OPCML: variants seen among roughly 807,000 people sequenced by gnomAD.
OPCML encodes the protein opioid-binding protein/cell adhesion molecule.
OPCML carries 13 observed loss-of-function variants against 37.8 expected under a neutral mutation model. The ratio of observed to expected loss-of-function variants is 0.34; its 90% CI spans 0.22 to 0.55. The LOEUF (loss-of-function observed/expected upper bound fraction) is 0.55. Among genes scored for constraint, OPCML ranks in the 20% least tolerant of loss-of-function variants. OPCML has a pLI of 0.91. For synonymous variants in OPCML, 176 were observed against 168.8 expected (o/e 1.04, Z -0.33); for missense variants, 341 against 435.6 (o/e 0.78, Z 1.93).
intron 1 of OPCML, among the ~76,000 whole-genome samples, chr11:133,519,767 G>A (rs542352544): frequency 7.7e-4 from 117 of 152,078 alleles, no homozygotes; most frequent in Non-Finnish European, 1.5e-3. Flanking sequence ...GGCTTCTCCC[G>A]CACCTCTAAT....
At chr11:133,439,431 AC>A in intron 1 of OPCML, 1 of 985,128 alleles carries the variant, frequency 1.0e-6, no homozygotes, top group Non-Finnish European at 1.2e-6. Context: ...TATGAGGCCA[AC>A]CTAACTCTTT....
chr11:132,522,945 T>C (rs1232030904), intron 4 of OPCML, among the ~76,000 whole-genome samples: 2 of 152,214 alleles, frequency 1.3e-5, no homozygotes, highest in East Asian at 3.8e-4. Context: ...GATCAGTACT[T>C]TTTTGTTTGA....
At chr11:132,744,328 C>T (rs1358317403) in intron 2 of OPCML, among the ~76,000 whole-genome samples, 1 of 152,132 alleles carries the variant, frequency 6.6e-6, no homozygotes, top group Non-Finnish European at 1.5e-5. Flanking sequence ...ATCACTGTCT[C>T]CCCCTCATTA....
intron 2 of OPCML, among the ~76,000 whole-genome samples, chr11:132,837,018 A>G (rs372339262): frequency 6.4e-4 from 97 of 152,304 alleles, no homozygotes; most frequent in African/African-American, 2.2e-3. Context: ...AGTGTTTAAA[A>G]CAGTAATCGG....
chr11:132,509,090 G>A (rs1274991704), intron 4 of OPCML, among the ~76,000 whole-genome samples: 3 of 152,150 alleles, frequency 2.0e-5, no homozygotes, highest in African/African-American at 4.8e-5. Flanking sequence ...ATGGAGATGA[G>A]GAACTTGTTG....
intron 2 of OPCML, among the ~76,000 whole-genome samples, chr11:132,911,928 T>C (rs2725437): frequency 0.3 from 45,884 of 152,056 alleles, 7,834 homozygotes; most frequent in Middle Eastern, 0.41. Context: ...GAGCTGGAAG[T>C]ATCAGGTGAG....
chr11:133,213,438 G>A (rs11223397), intron 1 of OPCML, among the ~76,000 whole-genome samples: 35,748 of 151,980 alleles, frequency 0.24, 4,302 homozygotes, highest in Middle Eastern at 0.27. Context: ...TAAAAATTTG[G>A]TCTTTTAGAG....
At chr11:132,446,775 G>A (rs1429507645) in intron 4 of OPCML, among the ~76,000 whole-genome samples, 1 of 151,952 alleles carries the variant, frequency 6.6e-6, no homozygotes, top group Non-Finnish European at 1.5e-5. Context: ...ATAATTAAAC[G>A]ACAGCATTTT....
chr11:133,027,444 G>A (rs538316482), intron 1 of OPCML, among the ~76,000 whole-genome samples: 1 of 151,772 alleles, frequency 6.6e-6, no homozygotes, highest in Non-Finnish European at 1.5e-5. Context: ...CTTAACTAGT[G>A]TGTGTATGTC....
chr11:132,817,687 T>C (rs1939710592), intron 2 of OPCML, among the ~76,000 whole-genome samples: 1 of 152,140 alleles, frequency 6.6e-6, no homozygotes, highest in East Asian at 1.9e-4. Flanking sequence ...ATTTAAATTT[T>C]AGAGGCAAAA....
At chr11:132,499,577 A>T (rs2137115345) in intron 4 of OPCML, among the ~76,000 whole-genome samples, 1 of 152,352 alleles carries the variant, frequency 6.6e-6, no homozygotes, top group East Asian at 1.9e-4. Flanking sequence ...GAGAAATTCC[A>T]TGTTTAAAAG....
chr11:132,436,752 T>C lies in OPCML; in HGVS notation c.671A>G (p.Asn224Ser). The C allele has an allele frequency of 1.2e-6, 2 of 1,614,102 alleles. No homozygotes were observed. Among genetic ancestry groups the C allele is most frequent in the South Asian group, 1.1e-5 (1 of 91,084 alleles). ...NYPPYISKAK[N>S]TGVSVGQKGI... Reference sequence around the variant, plus strand: ...CTTCTGACCGACTGAAACACCAGTGTTCTTGGCTTTTGAGATATAGGGAGG... The same window carrying C: ...CTTCTGACCGACTGAAACACCAGTGCTCTTGGCTTTTGAGATATAGGGAGG... The change falls in exon 6 of 8, where the codon AAC (asparagine) becomes AGC (serine). Residue 224 changes from asparagine to serine, a missense_variant. By Grantham distance (46) the Asn-to-Ser change is conservative. Transcript: ENST00000524381.
chr11:133,524,891 G>T (rs919783020), intron 1 of OPCML, among the ~76,000 whole-genome samples: 2 of 152,244 alleles, frequency 1.3e-5, no homozygotes, highest in African/African-American at 2.4e-5. Context: ...TGAGGACTCA[G>T]TGGGATGGAA....
chr11:133,234,590 C>T (rs1367895506), intron 1 of OPCML, among the ~76,000 whole-genome samples: 1 of 152,254 alleles, frequency 6.6e-6, no homozygotes, highest in African/African-American at 2.4e-5. Context: ...CGTGACTACT[C>T]CTCTTGTATT....
chr11:132,506,163 T>C (rs1231811460), intron 4 of OPCML, among the ~76,000 whole-genome samples: 2 of 152,188 alleles, frequency 1.3e-5, no homozygotes, highest in East Asian at 3.8e-4. Context: ...TTGGATTTTA[T>C]GCTCAGGAAA....
Position 133,041,872 on chromosome 11 carries a change from G to C in OPCML, c.62-98862C>G, listed in dbSNP as rs75311965. On this transcript the variant is annotated intron_variant, in intron 1 of 7. Transcript: ENST00000524381. ...GAACAGCAACCTTTCTGGTCCCTCCGGGTGCTTAGAGCCCTCAAGAAGGCA... is the reference window on the plus strand; with the variant it reads ...GAACAGCAACCTTTCTGGTCCCTCCCGGTGCTTAGAGCCCTCAAGAAGGCA... 1.9e-3 allele frequency among the ~76,000 whole-genome samples: 286 copies of C among 152,168 alleles called. 1 individual carries two copies. Among genetic ancestry groups the C allele is most frequent in the Middle Eastern group, 3.4e-3 (1 of 294 alleles).
chr11:132,778,171 C>T (rs556900785), intron 2 of OPCML, among the ~76,000 whole-genome samples: 1 of 152,328 alleles, frequency 6.6e-6, no homozygotes, highest in East Asian at 1.9e-4. Flanking sequence ...TACATAAACT[C>T]TCCTTTTCCA....
chr11:133,197,927 CTAAA>C (rs1938601170), intron 1 of OPCML, among the ~76,000 whole-genome samples: 1 of 152,182 alleles, frequency 6.6e-6, no homozygotes, highest in Non-Finnish European at 1.5e-5. Context: ...ATGGCAGACA[CTAAA>C]ATGCCTTCCT....
chr11:133,334,900 C>G (rs1370684884), intron 1 of OPCML, among the ~76,000 whole-genome samples: 1 of 152,150 alleles, frequency 6.6e-6, no homozygotes, highest in Non-Finnish European at 1.5e-5. Flanking sequence ...AGGAATAAGC[C>G]CATTGATGAT....
Sources: allele counts gnomAD v4.1 joint callset (sites outside exome capture counted in the v4.1 genomes callset), GRCh38; gene constraint gnomAD v4.1.1; transcripts MANE v1.5; gene names NCBI Gene and HGNC (gene_info 2026-07-23, HGNC 2026-07-21).